RBFOX1: variants seen among roughly 807,000 people sequenced by gnomAD.
RBFOX1 encodes the protein RNA binding fox-1 homolog 1.
A neutral mutation model predicts 57.7 loss-of-function variants in RBFOX1; 8 were observed. The observed-to-expected ratio is 0.14, with a 90% CI of 0.08 to 0.25. The LOEUF (loss-of-function observed/expected upper bound fraction) is 0.25. RBFOX1 is among the 10% of genes least tolerant of loss of function. The pLI is 1.00. For missense variants in RBFOX1, 611 were observed against 548.5 expected, an observed-to-expected ratio of 1.11 and a Z score of -1.14; for synonymous variants, 326 against 222.4, an observed-to-expected ratio of 1.47 and a Z score of -4.15.
intron 1 of RBFOX1, among the ~76,000 whole-genome samples, chr16:5,362,383 A>G (rs2065577308): frequency 6.6e-6 from 1 of 151,764 alleles, no homozygotes; most frequent in Non-Finnish European, 1.5e-5. Flanking sequence ...TTTTTTTGAG[A>G]CAGAGTTTCG....
At chr16:7,560,626 G>A (rs2090098481) in intron 5 of RBFOX1, among the ~76,000 whole-genome samples, 1 of 152,034 alleles carries the variant, frequency 6.6e-6, no homozygotes. Context: ...AAGAAAAGAG[G>A]GGGCGAGTGT....
chr16:6,554,872 A>T (rs923008097), intron 2 of RBFOX1, among the ~76,000 whole-genome samples: 3 of 126,288 alleles, frequency 2.4e-5, no homozygotes, highest in African/African-American at 9.5e-5. Context: ...TCTCTCTCTC[A>T]CTCATGAGTG....
chr16:5,475,933 G>C lies in RBFOX1; in HGVS notation c.258+8679G>C, dbSNP rs535448090. On this transcript the variant is annotated intron_variant, in intron 2 of 2. Transcript: ENST00000585867. ...TGATCCTCCTGCCCTGGCCTCCAAA[G>C]TGTGGCTCTAGCTCTTAACCATGAC... 2.0e-5 allele frequency among the ~76,000 whole-genome samples: 3 copies of C among 152,310 alleles called. No homozygotes were observed. In the East Asian group the frequency reaches 5.8e-4, roughly 29 times the overall value.
rs1481721354 is a variant in RBFOX1, at chr16:6,052,750, C to G, written c.-127+32758C>G. ...AGTGAGCCGAGATCGCGCCACTGCA[C>G]TCCAGCCTGGGAGACAGAGCGAGAC... On this transcript the variant is annotated intron_variant, in intron 1 of 15. Transcript: ENST00000550418. 1.3e-4 allele frequency among the ~76,000 whole-genome samples: 19 copies of G among 151,292 alleles called. 1 individual carries two copies. The highest frequency in any genetic ancestry group is 2.4e-4 in the African/African-American group (10 of 41,264).
chr16:7,453,403 G>T (rs1410327278), intron 4 of RBFOX1, among the ~76,000 whole-genome samples: 2 of 152,086 alleles, frequency 1.3e-5, no homozygotes, highest in Admixed American at 1.3e-4. Context: ...GGGATAAGTA[G>T]GCAGGAGCCT....
intron 4 of RBFOX1, among the ~76,000 whole-genome samples, chr16:5,908,953 C>G (rs2058545331): frequency 6.6e-6 from 1 of 152,080 alleles, no homozygotes; most frequent in South Asian, 2.1e-4. Context: ...GAAGTGAGCC[C>G]TCACCAAACA....
chr16:5,384,218 C>A (rs1031278488), intron 1 of RBFOX1, among the ~76,000 whole-genome samples: 1 of 152,176 alleles, frequency 6.6e-6, no homozygotes, highest in Non-Finnish European at 1.5e-5. Context: ...AGGCTTCTTG[C>A]AGAGGTCAGG....
At chr16:7,238,750 C>G (rs146174771) in intron 4 of RBFOX1, among the ~76,000 whole-genome samples, 1 of 152,146 alleles carries the variant, frequency 6.6e-6, no homozygotes, top group African/African-American at 2.4e-5. Context: ...AGGTGTTAAA[C>G]CTAGTACCCA....
Position 6,362,746 on chromosome 16 carries a change from G to C in RBFOX1, c.-64+45689G>C. On this transcript the variant is annotated intron_variant, in intron 2 of 15. Transcript: ENST00000550418. ...TATTGATGCCTGTGCAGTGGCCTGT[G>C]GGGAGATGGATGGCTTATTTTTTAT... Among the ~76,000 whole-genome samples, 2 of 152,192 alleles carry C rather than the reference G, an allele frequency of 1.3e-5. 1 individual carries two copies. Among genetic ancestry groups the C allele is most frequent in the Non-Finnish European group, 2.9e-5 (2 of 68,042 alleles).
At chr16:7,669,546 C>G (rs1400939769) in intron 13 of RBFOX1, among the ~76,000 whole-genome samples, 1 of 152,142 alleles carries the variant, frequency 6.6e-6, no homozygotes, top group Non-Finnish European at 1.5e-5. Context: ...TTAGACGCAA[C>G]CATGAGGGCC....
intron 1 of RBFOX1, chr16:5,366,635 G>T: frequency 2.4e-6 from 1 of 421,618 alleles, no homozygotes; most frequent in South Asian, 1.9e-5. Context: ...AATTGCTTCT[G>T]GATGACTGAC....
chr16:5,889,399 A>C (rs2057989324), intron 4 of RBFOX1, among the ~76,000 whole-genome samples: 1 of 152,030 alleles, frequency 6.6e-6, no homozygotes, highest in Non-Finnish European at 1.5e-5. Context: ...ACATGCTCTC[A>C]TTTTGTTTTA....
intron 1 of RBFOX1, among the ~76,000 whole-genome samples, chr16:6,106,820 A>C (rs1282665669): frequency 6.6e-6 from 1 of 152,026 alleles, no homozygotes; most frequent in Non-Finnish European, 1.5e-5. Context: ...GATGCCCATC[A>C]CCATGCCTGG....
At chr16:6,948,465 C>T (rs551812083) in intron 3 of RBFOX1, among the ~76,000 whole-genome samples, 7 of 139,630 alleles carry the variant, frequency 5.0e-5, no homozygotes, top group East Asian at 4.5e-4. Flanking sequence ...TCACTACAAC[C>T]TTTGCCTCCT....
At chr16:7,377,992 C>G (rs1022062213) in intron 4 of RBFOX1, among the ~76,000 whole-genome samples, 1 of 152,146 alleles carries the variant, frequency 6.6e-6, no homozygotes, top group Admixed American at 6.5e-5. Context: ...GCACGGGGAA[C>G]AGAATGTGCA....
At chr16:6,582,052 C>G (rs2097543846) in intron 2 of RBFOX1, among the ~76,000 whole-genome samples, 1 of 152,152 alleles carries the variant, frequency 6.6e-6, no homozygotes, top group Admixed American at 6.5e-5. Context: ...GCACATCTAA[C>G]AAGGCAAAGA....
At chr16:5,326,506 G>T (rs17183430) in intron 1 of RBFOX1, among the ~76,000 whole-genome samples, 2,175 of 152,310 alleles carry the variant, frequency 0.014, 30 homozygotes, top group Middle Eastern at 0.048. Flanking sequence ...TGGCATTTCA[G>T]ATAGGCTGTG....
chr16:6,029,713 C>T (rs1416213708), intron 1 of RBFOX1, among the ~76,000 whole-genome samples: 1 of 136,906 alleles, frequency 7.3e-6, no homozygotes, highest in Non-Finnish European at 1.5e-5. Flanking sequence ...GCGGAGTTTG[C>T]AGTGAGCCGA....
intron 2 of RBFOX1, among the ~76,000 whole-genome samples, chr16:6,651,436 C>G (rs774593456): frequency 3.9e-5 from 6 of 152,314 alleles, no homozygotes; most frequent in African/African-American, 1.2e-4. Context: ...CACACCTGGA[C>G]TCCTGTGGTA....
Sources: allele counts gnomAD v4.1 joint callset (sites outside exome capture counted in the v4.1 genomes callset), GRCh38; gene constraint gnomAD v4.1.1; transcripts MANE v1.5; gene names NCBI Gene and HGNC (gene_info 2026-07-23, HGNC 2026-07-21).